CEP112: variants seen among roughly 807,000 people sequenced by gnomAD.
The protein encoded by CEP112 is centrosomal protein 112.
Under a neutral mutation model 153.0 loss-of-function variants are expected in CEP112, and 127 were observed. The observed-to-expected ratio is 0.83, with a 90% CI of 0.72 to 0.96. The LOEUF is 0.96. Ranked by LOEUF, CEP112 falls within the 40% of genes least tolerant of loss-of-function variation. The probability of loss-of-function intolerance (pLI) is 0.00; values close to 1 mark genes in which losing one functional copy is unlikely to be tolerated. For missense variants in CEP112, 1,089 were observed against 1,101.2 expected, an observed-to-expected ratio of 0.99 and a Z score of 0.16; for synonymous variants, 358 against 374.4, an observed-to-expected ratio of 0.96 and a Z score of 0.51.
At chr17:65,640,213 G>C (rs1369668435) in intron 25 of CEP112, among the ~76,000 whole-genome samples, 1 of 143,612 alleles carries the variant, frequency 7.0e-6, no homozygotes, top group Non-Finnish European at 1.5e-5. Context: ...GAGTGCAGTG[G>C]TGTGATCTCG....
chr17:65,851,430 C>A (rs2057928926), intron 21 of CEP112, among the ~76,000 whole-genome samples: 1 of 152,146 alleles, frequency 6.6e-6, no homozygotes, highest in Non-Finnish European at 1.5e-5. Context: ...GCTTATTAGA[C>A]AACTGAGGGA....
intron 24 of CEP112, chr17:65,655,054 T>C (rs558315823): frequency 1.5e-6 from 1 of 684,958 alleles, no homozygotes; most frequent in East Asian, 3.4e-5. Context: ...ACACTGGAGA[T>C]CCAGAACCAA....
intron 25 of CEP112, 116 bp downstream of exon 25, chr17:65,640,848 G>A: frequency 1.4e-6 from 1 of 700,816 alleles, no homozygotes; most frequent in Non-Finnish European, 2.6e-6. Context: ...TGAGTAGTAG[G>A]TTATGCAATG....
chr17:65,686,961 T>C (rs1192556505), intron 24 of CEP112, among the ~76,000 whole-genome samples: 1 of 152,122 alleles, frequency 6.6e-6, no homozygotes, highest in Non-Finnish European at 1.5e-5. Context: ...ACTCTTCTAC[T>C]ACTGTGTGAT....
At chr17:65,741,148 C>T (rs1001438551) in intron 23 of CEP112, among the ~76,000 whole-genome samples, 2 of 152,106 alleles carry the variant, frequency 1.3e-5, no homozygotes, top group African/African-American at 4.8e-5. Flanking sequence ...GAAATACCTT[C>T]CTCATGAAGA....
chr17:65,867,127 C>A (rs896536607), intron 20 of CEP112, among the ~76,000 whole-genome samples: 1 of 152,214 alleles, frequency 6.6e-6, no homozygotes, highest in African/African-American at 2.4e-5. Context: ...GGTGCCACAC[C>A]ACATTCCCCT....
In CEP112 at chr17:66,174,926, G is replaced by T. The variant is rs533649860; in HGVS notation, c.470+118C>A. 3 of 582,252 alleles carry T rather than the reference G, an allele frequency of 5.2e-6. No individual in the cohort carries two copies. In the African/African-American group the frequency reaches 5.8e-5, roughly 11 times the overall value. The allele number at this position is 582,252 out of a possible 1,614,324, so 36.1% of individuals were successfully genotyped here. ...AATATAAAATAATCTTGAATGTGCAGTTAAGGGAAAAGTAAACTACTTCCA... is the reference window on the plus strand; with the variant it reads ...AATATAAAATAATCTTGAATGTGCATTTAAGGGAAAAGTAAACTACTTCCA... On this transcript the variant is annotated intron_variant, in intron 4 of 26. Coordinates refer to ENST00000535342, the MANE Select transcript of CEP112 (RefSeq NM_001199165.4).
At chr17:65,818,693 T>C (rs1434616649) in intron 21 of CEP112, among the ~76,000 whole-genome samples, 1 of 151,902 alleles carries the variant, frequency 6.6e-6, no homozygotes, top group Non-Finnish European at 1.5e-5. Context: ...AAATACTCTA[T>C]AACAGGGTTT....
chr17:65,676,695 A>G (rs2047251228), intron 24 of CEP112, among the ~76,000 whole-genome samples: 1 of 152,242 alleles, frequency 6.6e-6, no homozygotes, highest in African/African-American at 2.4e-5. Context: ...AAGAGTTTAC[A>G]GTAAGAGTTC....
chr17:66,096,329 C>A lies in CEP112; in HGVS notation c.691-1G>T. ...TTCTCAGGCTGAATTTCGGTGTCAT[C>A]TGCTAAATGAACAGGAGTTATTTAA... On this transcript the variant is annotated splice_acceptor_variant, in intron 7 of 26. Coordinates refer to ENST00000535342, the MANE Select transcript of CEP112 (RefSeq NM_001199165.4). LOFTEE classifies it high-confidence loss of function. The A allele has an allele frequency of 6.2e-7, 1 of 1,612,154 alleles. No individual in the cohort carries two copies. Among genetic ancestry groups the A allele is most frequent in the South Asian group, 1.1e-5 (1 of 90,826 alleles).
chr17:65,826,693 T>C, intron 21 of CEP112: 1 of 334,652 alleles, frequency 3.0e-6, no homozygotes, highest in Non-Finnish European at 4.8e-6. Flanking sequence ...ACTGTTCAGC[T>C]TACAAAGTGC....
chr17:65,757,101 G>T (rs934216572), intron 21 of CEP112, among the ~76,000 whole-genome samples: 7 of 152,150 alleles, frequency 4.6e-5, no homozygotes, highest in African/African-American at 1.7e-4. Flanking sequence ...CACAGGAAAG[G>T]AAACAGCAAG....
At chr17:65,732,468 G>A (rs1004422165) in intron 23 of CEP112, among the ~76,000 whole-genome samples, 2 of 152,162 alleles carry the variant, frequency 1.3e-5, no homozygotes, top group African/African-American at 4.8e-5. Flanking sequence ...CCTGGCCTTA[G>A]TCACCAGCTG....
intron 21 of CEP112, chr17:65,826,050 T>A: frequency 7.5e-7 from 1 of 1,326,666 alleles, no homozygotes; most frequent in Non-Finnish European, 1.1e-6. Context: ...TTGAGATGAA[T>A]TACCAATGCC....
At chr17:65,923,782 C>CTAACTT (rs2060818251) in intron 19 of CEP112, among the ~76,000 whole-genome samples, 2 of 152,050 alleles carry the variant, frequency 1.3e-5, no homozygotes, top group Non-Finnish European at 2.9e-5. Flanking sequence ...AATTTTTTCA[C>CTAACTT]TGAATTTACA....
At chr17:65,940,762 T>C (rs1226987397) in intron 18 of CEP112, among the ~76,000 whole-genome samples, 3 of 152,196 alleles carry the variant, frequency 2.0e-5, no homozygotes, top group African/African-American at 7.2e-5. Context: ...TGGGAGATAC[T>C]GTTCAAAGGG....
At chr17:65,851,244 T>C (rs571858282) in intron 21 of CEP112, among the ~76,000 whole-genome samples, 17 of 152,326 alleles carry the variant, frequency 1.1e-4, no homozygotes, top group Admixed American at 9.8e-4. Flanking sequence ...AGAAAGAATA[T>C]TTGAGATTGC....
chr17:65,971,465 C>G (rs1161017107), intron 17 of CEP112, among the ~76,000 whole-genome samples: 1 of 100,614 alleles, frequency 9.9e-6, no homozygotes, highest in East Asian at 8.0e-4. Context: ...ATATCACACA[C>G]ATGTATCATG....
intron 20 of CEP112, among the ~76,000 whole-genome samples, chr17:65,854,483 A>G (rs2058063953): frequency 6.6e-6 from 1 of 152,232 alleles, no homozygotes; most frequent in African/African-American, 2.4e-5. Context: ...ACTGGAAAAG[A>G]CATCTAGAAC....
Sources: gnomAD v4.1 joint callset for allele counts (sites outside exome capture counted in the v4.1 genomes callset) on GRCh38, gnomAD v4.1.1 for gene constraint, MANE v1.5 for transcripts, NCBI Gene and HGNC (gene_info 2026-07-23, HGNC 2026-07-21) for gene names.